Variants in TERF1 observed in about 807,000 individuals in gnomAD.
The protein encoded by TERF1 is telomeric repeat-binding factor 1.
Under a neutral mutation model 55.1 loss-of-function variants are expected in TERF1, and 20 were observed. The ratio of observed to expected loss-of-function variants is 0.36; its 90% confidence interval spans 0.26 to 0.53. TERF1 has a LOEUF of 0.53. Ranked by LOEUF, TERF1 falls within the 20% of genes least tolerant of loss-of-function variation. The pLI, the probability that TERF1 is intolerant of heterozygous loss-of-function variation, is 0.91. For synonymous variants in TERF1, 168 were observed against 181.2 expected (o/e 0.93, Z 0.59); for missense variants, 439 against 535.7 (o/e 0.82, Z 1.78).
At chr8:73,042,879 T>TA (rs1809890245) in intron 9 of TERF1, 2 of 152,110 alleles carry the variant, frequency 1.3e-5, no homozygotes, top group Non-Finnish European at 2.9e-5. Context: ...TTTGAGAAAA[T>TA]AAAAGACAAA....
At chr8:73,038,918 C>CAA (rs1407464994) in intron 8 of TERF1, 198 bp from the exon 9 acceptor site, 2 of 509,366 alleles carry the variant, frequency 3.9e-6, no homozygotes, top group Non-Finnish European at 6.1e-6. Flanking sequence ...AATCAAGACT[C>CAA]AAAACACTCC....
At chr8:73,037,691 A>C (rs1368558047) in intron 8 of TERF1, among the ~76,000 whole-genome samples, 1 of 44,412 alleles carries the variant, frequency 2.3e-5, no homozygotes, top group Non-Finnish European at 4.3e-5. Context: ...AATATATATT[A>C]TATAGTATAA....
At chr8:73,027,966 G>T (rs867925201) in intron 6 of TERF1, among the ~76,000 whole-genome samples, 30 of 152,048 alleles carry the variant, frequency 2.0e-4, no homozygotes, top group African/African-American at 6.0e-4. Flanking sequence ...TTCCTCAGGG[G>T]TTCATCTCTC....
Position 73,030,343 on chromosome 8 carries a change from GACAA to G in TERF1, c.899_902del (p.Lys300SerfsTer4), listed in dbSNP as rs761142736. ...TTTTTTCTTCTTTTAAAGTGTTAGT[GACAA>G]ACAGTCTGCGGTAACTGAATCCTCA... On this transcript the variant is annotated frameshift_variant, in exon 7 of 10. Transcript: ENST00000276603. LOFTEE classifies it high-confidence loss of function. The G allele has an allele frequency of 3.3e-6, 5 of 1,530,976 alleles. No homozygotes were observed. Among genetic ancestry groups the G allele is most frequent in the African/African-American group, 1.4e-5 (1 of 69,644 alleles). The allele number at this position is 1,530,976 out of a possible 1,614,324, so 94.8% of individuals were successfully genotyped here.
intron 9 of TERF1, among the ~76,000 whole-genome samples, chr8:73,044,619 C>G (rs1006233475): frequency 5.9e-5 from 9 of 151,916 alleles, no homozygotes; most frequent in Non-Finnish European, 1.3e-4. Context: ...TAAATATATT[C>G]ATATTGTGCT....
At chr8:73,019,487 C>T (rs1038012405) in intron 2 of TERF1, among the ~76,000 whole-genome samples, 2 of 152,162 alleles carry the variant, frequency 1.3e-5, no homozygotes, top group Non-Finnish European at 2.9e-5. Context: ...AACTACTTGC[C>T]TTTTCCATCA....
chr8:73,040,243 G>T (rs1173008871), intron 9 of TERF1, among the ~76,000 whole-genome samples: 1 of 152,098 alleles, frequency 6.6e-6, no homozygotes, highest in East Asian at 1.9e-4. Context: ...GTTGAGGGGA[G>T]CTCCTGCTGT....
chr8:73,026,892 C>A, intron 5 of TERF1, 48 bp from the exon 6 acceptor site: 1 of 1,379,826 alleles, frequency 7.2e-7, no homozygotes, highest in Non-Finnish European at 1.0e-6. Context: ...TTTAAAATGG[C>A]TTAATGCATT....
chr8:73,039,885 G>T (rs576604031), intron 9 of TERF1, among the ~76,000 whole-genome samples: 1 of 150,456 alleles, frequency 6.6e-6, no homozygotes, highest in Non-Finnish European at 1.5e-5. Flanking sequence ...TACTTGGCTC[G>T]AGTGATCCTC....
intron 9 of TERF1, among the ~76,000 whole-genome samples, chr8:73,040,721 C>G (rs1239628360): frequency 2.0e-5 from 3 of 152,070 alleles, no homozygotes; most frequent in Non-Finnish European, 4.4e-5. Context: ...TCTGGTGTTC[C>G]CATTATGATT....
At chr8:73,029,171 C>G (rs1240573000) in intron 6 of TERF1, among the ~76,000 whole-genome samples, 1 of 152,020 alleles carries the variant, frequency 6.6e-6, no homozygotes. Flanking sequence ...CAGACAAATC[C>G]TAGAAAAATG....
chr8:73,008,878 C>T lies in TERF1; in HGVS notation c.-9C>T. The T allele has an allele frequency of 6.3e-7, 1 of 1,597,538 alleles. No homozygotes were observed. Among genetic ancestry groups the T allele is most frequent in the Non-Finnish European group, 8.5e-7 (1 of 1,173,028 alleles). ...CCTGAAGGGGCAGTACCCAAGCGAG[C>T]CATTTAACATGGCGGAGGATGTTTC... On this transcript the variant is annotated 5_prime_UTR_variant, in exon 1 of 10. Transcript: ENST00000276603.
Position 73,039,108 on chromosome 8 carries a change from A to C in TERF1, c.1040-8A>C. On this transcript the variant is annotated splice_region_variant and splice_polypyrimidine_tract_variant and intron_variant, in intron 8 of 9. Transcript: ENST00000276603. ...TCAATATTTATGACATTATTTTTCT[A>C]CTTTTAGGTACAAAAAAGAAAAAAG... is the stretch of plus-strand genomic sequence containing the variant. 1 of 1,528,616 alleles carries C rather than the reference A, an allele frequency of 6.5e-7. No individual in the cohort carries two copies. Among genetic ancestry groups the C allele is most frequent in the African/African-American group, 1.4e-5 (1 of 71,600 alleles). 94.7% of individuals were successfully genotyped at this position (1,528,616 alleles called of 1,614,324 possible).
Position 73,013,730 on chromosome 8 carries a change from G to T in TERF1, c.320-165G>T, listed in dbSNP as rs765303778. On this transcript the variant is annotated intron_variant, in intron 1 of 9. Transcript: ENST00000276603. ...ATATTTTGTAAGAAATGTCTTCATT[G>T]CTATTCTTTTTTTTTGTTCTGAATT... The T allele has an allele frequency of 8.7e-6, 5 of 576,332 alleles. No homozygotes were observed. The South Asian group carries it at 1.1e-4, about 13-fold the overall frequency. 35.7% of individuals were successfully genotyped at this position (576,332 alleles called of 1,614,324 possible).
intron 2 of TERF1, 121 bp downstream of exon 2, chr8:73,014,111 T>A: frequency 1.4e-6 from 1 of 712,872 alleles, no homozygotes; most frequent in Non-Finnish European, 2.4e-6. Flanking sequence ...CATAGGGGTG[T>A]GGGGGGGTGG....
At chr8:73,028,712 G>T (rs1809142078) in intron 6 of TERF1, among the ~76,000 whole-genome samples, 1 of 151,128 alleles carries the variant, frequency 6.6e-6, no homozygotes, top group Non-Finnish European at 1.5e-5. Context: ...TCTCTCCAAG[G>T]CAAGCTCTTC....
chr8:73,018,200 G>A (rs1253962305), intron 2 of TERF1, among the ~76,000 whole-genome samples: 1 of 152,048 alleles, frequency 6.6e-6, no homozygotes, highest in Non-Finnish European at 1.5e-5. Flanking sequence ...TTAAGTACCT[G>A]ACACAGAACC....
At chr8:73,036,502 T>C (rs1484251261) in intron 8 of TERF1, among the ~76,000 whole-genome samples, 1 of 152,102 alleles carries the variant, frequency 6.6e-6, no homozygotes, top group Non-Finnish European at 1.5e-5. Context: ...TTACATTAAG[T>C]TTCCTGTGCA....
At chr8:73,039,018 A>T in intron 8 of TERF1, 98 bp from the exon 9 acceptor site, 1 of 922,678 alleles carries the variant, frequency 1.1e-6, no homozygotes, top group East Asian at 2.8e-5. Context: ...TTCTTAGAAT[A>T]GCTTAGAAAA....
Sources: allele counts gnomAD v4.1 joint callset (sites outside exome capture counted in the v4.1 genomes callset), GRCh38; gene constraint gnomAD v4.1.1; transcripts MANE v1.5; gene names NCBI Gene and HGNC (gene_info 2026-07-23, HGNC 2026-07-21).